The following MYOF variants were observed in gnomAD, a reference collection of about 807,000 sequenced individuals.
The protein encoded by MYOF is myoferlin, also known as fer-1-like 3, myoferlin.
In MYOF, 244 loss-of-function variants were observed where a neutral mutation model predicts 284.2. That is an observed-to-expected ratio of 0.86 (90% confidence interval 0.77 to 0.95). MYOF has a LOEUF of 0.95. Ranked by LOEUF, MYOF falls within the 40% of genes least tolerant of loss-of-function variation. The probability of loss-of-function intolerance (pLI) is 0.00; values close to 1 mark genes in which losing one functional copy is unlikely to be tolerated. For synonymous variants in MYOF, 904 were observed against 919.7 expected, an observed-to-expected ratio of 0.98 and a Z score of 0.31; for missense variants, 2,496 against 2,560.6, an observed-to-expected ratio of 0.97 and a Z score of 0.54.
At chr10:93,356,393 C>A (rs1233978956) in intron 30 of MYOF, among the ~76,000 whole-genome samples, 2 of 152,162 alleles carry the variant, frequency 1.3e-5, no homozygotes, top group Non-Finnish European at 1.5e-5. Context: ...GAATAGGTGT[C>A]ACCTGAAACA....
chr10:93,449,394 G>A (rs1166581326), intron 3 of MYOF, among the ~76,000 whole-genome samples: 1 of 152,158 alleles, frequency 6.6e-6, no homozygotes, highest in Non-Finnish European at 1.5e-5. Context: ...TATAAACAGT[G>A]GTACCATTTG....
intron 50 of MYOF, among the ~76,000 whole-genome samples, chr10:93,314,575 C>A (rs1374630723): frequency 2.0e-5 from 3 of 152,192 alleles, no homozygotes; most frequent in Non-Finnish European, 4.4e-5. Flanking sequence ...GGCATTTTCT[C>A]TTTAAACTGT....
At position 93,306,885 on chromosome 10, in the gene MYOF, A is replaced by C; in HGVS notation, c.*78T>G. On this transcript the variant is annotated 3_prime_UTR_variant, in exon 54 of 54. Coordinates refer to ENST00000359263, the MANE Select transcript of MYOF (RefSeq NM_013451.4). ...TACTGGGGTGTGGTCTCAGACACAAAATCACACTGGATGTTGGTCTACAGA... is the reference window on the plus strand; with the variant it reads ...TACTGGGGTGTGGTCTCAGACACAACATCACACTGGATGTTGGTCTACAGA... 1.4e-6 allele frequency: 2 copies of C among 1,470,038 alleles called. No homozygotes were observed. 91.1% of individuals were successfully genotyped at this position (1,470,038 alleles called of 1,614,324 possible). A position where few individuals can be genotyped will look rare whatever the true frequency, so the allele number is the denominator to read the frequency against.
At chr10:93,321,082 A>T (rs1842822233) in intron 48 of MYOF, among the ~76,000 whole-genome samples, 1 of 152,176 alleles carries the variant, frequency 6.6e-6, no homozygotes, top group Non-Finnish European at 1.5e-5. Flanking sequence ...CAGGTACTTT[A>T]CATGCATTAT....
intron 5 of MYOF, among the ~76,000 whole-genome samples, chr10:93,422,665 G>A (rs1156657750): frequency 6.6e-6 from 1 of 152,086 alleles, no homozygotes; most frequent in Non-Finnish European, 1.5e-5. Flanking sequence ...GCATAGTGGT[G>A]CACACCTGTA....
intron 3 of MYOF, among the ~76,000 whole-genome samples, chr10:93,444,139 C>G (rs2056360580): frequency 6.6e-6 from 1 of 152,204 alleles, no homozygotes; most frequent in Non-Finnish European, 1.5e-5. Flanking sequence ...CCGAGGTGGA[C>G]AGATTCCACA....
At chr10:93,469,405 G>GAAGA (rs1564742598) in intron 1 of MYOF, among the ~76,000 whole-genome samples, 1 of 146,504 alleles carries the variant, frequency 6.8e-6, no homozygotes, top group Non-Finnish European at 1.5e-5. Context: ...CATCTCTGAA[G>GAAGA]AAAAAAAAAA....
chr10:93,319,388 G>A (rs764651795), intron 49 of MYOF, among the ~76,000 whole-genome samples: 2 of 152,190 alleles, frequency 1.3e-5, no homozygotes, highest in Non-Finnish European at 2.9e-5. Flanking sequence ...TTTGAGTTGA[G>A]TTCTGTAACT....
chr10:93,324,134 T>C (rs1449101749), intron 46 of MYOF: 1 of 152,198 alleles, frequency 6.6e-6, no homozygotes, highest in Non-Finnish European at 1.5e-5. Context: ...GGCCCATCCA[T>C]CTGACTCGAA....
chr10:93,336,506 C>A (rs917656762), intron 40 of MYOF, among the ~76,000 whole-genome samples: 3 of 152,094 alleles, frequency 2.0e-5, no homozygotes, highest in African/African-American at 7.2e-5. Context: ...CCATTTAGAG[C>A]AAGTGTAAAA....
At chr10:93,386,837 A>G (rs1487602395) in intron 19 of MYOF, among the ~76,000 whole-genome samples, 2 of 152,210 alleles carry the variant, frequency 1.3e-5, no homozygotes, top group Non-Finnish European at 2.9e-5. Context: ...GGCAGACATC[A>G]GACGACTAGA....
At chr10:93,433,014 T>C (rs1848941927) in intron 3 of MYOF, among the ~76,000 whole-genome samples, 1 of 152,114 alleles carries the variant, frequency 6.6e-6, no homozygotes, top group Admixed American at 6.6e-5. Context: ...GCCTGTAAAT[T>C]GGGGTTATAA....
At chr10:93,462,009 C>T (rs1448750752) in intron 1 of MYOF, among the ~76,000 whole-genome samples, 2 of 152,124 alleles carry the variant, frequency 1.3e-5, no homozygotes, top group Non-Finnish European at 2.9e-5. Flanking sequence ...TCCTGCAGCT[C>T]CTGGCACTCA....
chr10:93,357,383 A>G (rs73317579), intron 29 of MYOF, among the ~76,000 whole-genome samples: 5,105 of 152,302 alleles, frequency 0.034, 291 homozygotes, highest in African/African-American at 0.11. Flanking sequence ...TTTTTAGCTT[A>G]AGAACTATTG....
intron 18 of MYOF, among the ~76,000 whole-genome samples, 180 bp downstream of exon 18, chr10:93,388,850 A>ATGGCCAT (rs913318195): frequency 2.0e-5 from 3 of 152,370 alleles, no homozygotes; most frequent in East Asian, 3.9e-4. Context: ...GTTGGGGGAA[A>ATGGCCAT]TGGCCATTGG....
At chr10:93,386,169 C>G (rs767204121) in intron 19 of MYOF, among the ~76,000 whole-genome samples, 1 of 152,202 alleles carries the variant, frequency 6.6e-6, no homozygotes, top group Non-Finnish European at 1.5e-5. Flanking sequence ...TGTAACTACT[C>G]AAGTCAAGAA....
chr10:93,321,406 ATTAACCTTTTTT>A (rs1217775743), intron 48 of MYOF, among the ~76,000 whole-genome samples: 1 of 142,244 alleles, frequency 7.0e-6, no homozygotes, highest in African/African-American at 2.6e-5. Flanking sequence ...CCTTTTGACT[ATTAACCTTTTTT>A]TTTTTTTTTT....
intron 38 of MYOF, among the ~76,000 whole-genome samples, chr10:93,342,860 A>G (rs1242036327): frequency 6.6e-6 from 1 of 152,154 alleles, no homozygotes; most frequent in Non-Finnish European, 1.5e-5. Flanking sequence ...CTTATTAGGG[A>G]TATTTGGGGT....
At chr10:93,375,485 T>C (rs906325835) in intron 22 of MYOF, among the ~76,000 whole-genome samples, 10 of 152,240 alleles carry the variant, frequency 6.6e-5, no homozygotes, top group African/African-American at 2.4e-4. Context: ...TGTGATGTAA[T>C]GATGAACATA....
Sources: allele counts gnomAD v4.1 joint callset (sites outside exome capture counted in the v4.1 genomes callset), GRCh38; gene constraint gnomAD v4.1.1; transcripts MANE v1.5; gene names NCBI Gene and HGNC (gene_info 2026-07-23, HGNC 2026-07-21).